Variants in DOCK1 observed in about 807,000 individuals in gnomAD.
The protein encoded by DOCK1 is dedicator of cytokinesis protein 1.
Under a neutral mutation model 262.7 loss-of-function variants are expected in DOCK1, and 138 were observed. The observed-to-expected ratio is 0.53, with a 90% CI of 0.46 to 0.61. DOCK1 has a LOEUF of 0.61. Ranked by LOEUF, DOCK1 falls within the 20% of genes least tolerant of loss-of-function variation. The pLI, the probability that DOCK1 is intolerant of heterozygous loss-of-function variation, is 0.00. For synonymous variants in DOCK1, 866 were observed against 867.4 expected, an observed-to-expected ratio of 1.00 and a Z score of 0.03; for missense variants, 1,908 against 2,370.7, an observed-to-expected ratio of 0.80 and a Z score of 4.05.
chr10:127,003,579 A>T (rs181198708), intron 10 of DOCK1, among the ~76,000 whole-genome samples: 96 of 152,264 alleles, frequency 6.3e-4, no homozygotes, highest in African/African-American at 2.2e-3. Context: ...GGTGCCAAGC[A>T]CTGAGCACTG....
At chr10:127,350,223 AGT>A (rs2063817655) in intron 31 of DOCK1, among the ~76,000 whole-genome samples, 1 of 151,482 alleles carries the variant, frequency 6.6e-6, no homozygotes, top group Non-Finnish European at 1.5e-5. Context: ...ATGTCAGAAA[AGT>A]TTATGAAACT....
At chr10:127,004,953 C>T (rs2040902740) in intron 10 of DOCK1, among the ~76,000 whole-genome samples, 1 of 152,246 alleles carries the variant, frequency 6.6e-6, no homozygotes, top group East Asian at 1.9e-4. Context: ...CACATGGTGG[C>T]ATTCAGCACA....
intron 10 of DOCK1, among the ~76,000 whole-genome samples, chr10:127,005,687 C>T (rs534566113): frequency 3.0e-4 from 46 of 152,010 alleles, no homozygotes; most frequent in African/African-American, 1.1e-3. Context: ...ATAAATTATC[C>T]ATAGTTTTAC....
intron 11 of DOCK1, among the ~76,000 whole-genome samples, chr10:127,011,346 A>T (rs527802092): frequency 9.2e-5 from 14 of 152,174 alleles, no homozygotes; most frequent in Non-Finnish European, 1.9e-4. Context: ...CACATTGCAC[A>T]TCTCCCTCCC....
At chr10:127,309,282 G>A (rs988679732) in intron 29 of DOCK1, among the ~76,000 whole-genome samples, 4 of 151,982 alleles carry the variant, frequency 2.6e-5, no homozygotes, top group African/African-American at 9.7e-5. Context: ...TTTTGATGGG[G>A]TTGTTCATTT....
chr10:127,450,861 G>T (rs2070914153), intron 51 of DOCK1, among the ~76,000 whole-genome samples: 1 of 152,160 alleles, frequency 6.6e-6, no homozygotes, highest in Non-Finnish European at 1.5e-5. Flanking sequence ...GCATTGAGTG[G>T]CTGCAACAGA....
chr10:127,061,768 CG>C lies in DOCK1; in HGVS notation c.2440del (p.Val814Ter). ...MMSSMSDQTV[R>X]VKGAALKYLP... ...GAGCAGCATGTCAGACCAGACCGTC[CG>C]GGTGAAGGTGAGTGCCGGCCACTGC... On this transcript the variant is annotated frameshift_variant, in exon 23 of 52. Transcript: ENST00000623213. LOFTEE classifies it high-confidence loss of function. 1 of 1,584,532 alleles carries C rather than the reference CG, an allele frequency of 6.3e-7. No individual in the cohort carries two copies. The highest frequency in any genetic ancestry group is 8.6e-7 in the Non-Finnish European group (1 of 1,165,144).
chr10:127,254,300 T>G (rs1028255242), intron 28 of DOCK1, among the ~76,000 whole-genome samples: 5 of 152,232 alleles, frequency 3.3e-5, no homozygotes, highest in African/African-American at 4.8e-5. Context: ...TCCATTAGCT[T>G]TTGTAGACTA....
At chr10:127,171,168 G>A (rs1294459495) in intron 27 of DOCK1, among the ~76,000 whole-genome samples, 6 of 152,232 alleles carry the variant, frequency 3.9e-5, no homozygotes, top group East Asian at 3.9e-4. Context: ...ATTCTCTGCC[G>A]AAGCCATTTG....
intron 23 of DOCK1, among the ~76,000 whole-genome samples, chr10:127,105,901 A>T (rs773818421): frequency 6.6e-5 from 10 of 152,094 alleles, no homozygotes; most frequent in Non-Finnish European, 1.3e-4. Flanking sequence ...CTGGGACTAC[A>T]GGTGCAAGCC....
At chr10:127,442,477 C>T (rs1022741454) in intron 49 of DOCK1, among the ~76,000 whole-genome samples, 1 of 152,092 alleles carries the variant, frequency 6.6e-6, no homozygotes, top group African/African-American at 2.4e-5. Flanking sequence ...TGTAACTGCT[C>T]CTGTTCCCCA....
chr10:127,133,378 CA>C (rs1352215797), intron 27 of DOCK1, among the ~76,000 whole-genome samples: 1 of 152,102 alleles, frequency 6.6e-6, no homozygotes, highest in African/African-American at 2.4e-5. Context: ...AAATCATCTG[CA>C]AAAAAATGTT....
At chr10:127,341,648 G>T (rs1467590981) in intron 30 of DOCK1, among the ~76,000 whole-genome samples, 1 of 152,126 alleles carries the variant, frequency 6.6e-6, no homozygotes, top group Non-Finnish European at 1.5e-5. Flanking sequence ...AGTTGTGGCT[G>T]CTCTGGTGGG....
At chr10:127,196,726 A>AG (rs1564894802) in intron 27 of DOCK1, among the ~76,000 whole-genome samples, 3 of 149,746 alleles carry the variant, frequency 2.0e-5, no homozygotes, top group Non-Finnish European at 3.0e-5. Context: ...AGGAGGAGGA[A>AG]GAGGAGGAGG....
intron 44 of DOCK1, among the ~76,000 whole-genome samples, chr10:127,415,595 T>TA (rs1207812687): frequency 5.9e-5 from 9 of 152,372 alleles, no homozygotes; most frequent in African/African-American, 1.7e-4. Context: ...TAAACTTTTT[T>TA]AAAGATTTTT....
At chr10:127,267,530 A>G (rs1351020737) in intron 29 of DOCK1, among the ~76,000 whole-genome samples, 1 of 152,204 alleles carries the variant, frequency 6.6e-6, no homozygotes. Context: ...GCAGTGATGA[A>G]GAGCTCTCAG....
At chr10:126,986,787 G>C (rs1286864041) in intron 4 of DOCK1, among the ~76,000 whole-genome samples, 2 of 152,164 alleles carry the variant, frequency 1.3e-5, no homozygotes, top group Non-Finnish European at 2.9e-5. Context: ...GTGGGCACCT[G>C]TAGTCCCAGC....
At chr10:127,178,369 G>C (rs561258676) in intron 27 of DOCK1, among the ~76,000 whole-genome samples, 1 of 152,232 alleles carries the variant, frequency 6.6e-6, no homozygotes, top group African/African-American at 2.4e-5. Flanking sequence ...GGTATTTCAG[G>C]ATGGATCATT....
chr10:126,918,648 G>A (rs1366603753), intron 1 of DOCK1, among the ~76,000 whole-genome samples: 1 of 152,180 alleles, frequency 6.6e-6, no homozygotes, highest in Non-Finnish European at 1.5e-5. Flanking sequence ...ATTTTAATAA[G>A]TTCTAGAATT....
Sources: gnomAD v4.1 joint callset for allele counts (sites outside exome capture counted in the v4.1 genomes callset) on GRCh38, gnomAD v4.1.1 for gene constraint, MANE v1.5 for transcripts, NCBI Gene and HGNC (gene_info 2026-07-23, HGNC 2026-07-21) for gene names.